IGLL5: variants seen among roughly 807,000 people sequenced by gnomAD.
IGLL5 encodes immunoglobulin lambda like polypeptide 5.
Under a neutral mutation model 20.9 loss-of-function variants are expected in IGLL5, and 30 were observed. The observed-to-expected ratio is 1.44, with a 90% CI of 1.07 to 1.95. IGLL5 has a LOEUF of 1.95. IGLL5 is among the 30% of genes most tolerant of loss of function. The pLI is 0.00. For missense variants in IGLL5, 475 were observed against 270.7 expected, an observed-to-expected ratio of 1.75 and a Z score of -5.30; for synonymous variants, 203 against 117.3, an observed-to-expected ratio of 1.73 and a Z score of -4.72.
chr22:22,889,197 G>A (rs2067695568), intron 1 of IGLL5, among the ~76,000 whole-genome samples: 1 of 151,132 alleles, frequency 6.6e-6, no homozygotes, highest in East Asian at 2.0e-4. Flanking sequence ...GGGTAGGTGG[G>A]GATCCTGGAG....
At chr22:22,893,898 C>A (rs969072770) in intron 2 of IGLL5, 80 bp downstream of exon 2, 6 of 972,576 alleles carry the variant, frequency 6.2e-6, no homozygotes, top group African/African-American at 3.2e-5. Context: ...CTGGGGCTTC[C>A]TCCCCTCTGT....
intron 2 of IGLL5, among the ~76,000 whole-genome samples, chr22:22,895,061 A>G (rs1182310760): frequency 1.3e-5 from 2 of 151,478 alleles, no homozygotes; most frequent in Admixed American, 1.3e-4. Context: ...GCCAGATTCT[A>G]AACTCAGACT....
At chr22:22,894,982 G>A (rs2066713738) in intron 2 of IGLL5, among the ~76,000 whole-genome samples, 1 of 151,476 alleles carries the variant, frequency 6.6e-6, no homozygotes, top group Admixed American at 6.6e-5. Flanking sequence ...GGAGGCTCTA[G>A]GTCCTGGAAG....
At chr22:22,888,754 T>TAC in intron 1 of IGLL5, among the ~76,000 whole-genome samples, 1 of 151,254 alleles carries the variant, frequency 6.6e-6, no homozygotes, top group Non-Finnish European at 1.5e-5. Context: ...TGCACATAAA[T>TAC]GCTTACTGGG....
At chr22:22,895,132 A>T (rs532897479) in intron 2 of IGLL5, among the ~76,000 whole-genome samples, 1 of 151,456 alleles carries the variant, frequency 6.6e-6, no homozygotes, top group African/African-American at 2.4e-5. Flanking sequence ...TTGAGGCTGT[A>T]GAGGAGAGGG....
chr22:22,893,700 G>A lies in IGLL5; in HGVS notation c.207G>A (p.Arg69=). ...SRSSLRSLWG[R]LLLQPSPQRA... Reference sequence around the variant, plus strand: ...ACCCTGTGCCCGTCATGCCCAGCAGGCTCCTGCTCCAGCCCAGCCCCCAGA... The same window carrying A: ...ACCCTGTGCCCGTCATGCCCAGCAGACTCCTGCTCCAGCCCAGCCCCCAGA... Residue 69 remains arginine, a splice_region_variant and synonymous_variant, in exon 2 of 3, where the codon AGG becomes AGA. Coordinates refer to ENST00000526893, the MANE Select transcript of IGLL5 (RefSeq NM_001178126.2). The A allele has an allele frequency of 1.2e-6, 2 of 1,600,630 alleles. No individual in the cohort carries two copies. The highest frequency in any genetic ancestry group is 8.5e-7 in the Non-Finnish European group (1 of 1,172,408).
intron 1 of IGLL5, among the ~76,000 whole-genome samples, chr22:22,889,751 C>G (rs1027496017): frequency 1.3e-5 from 2 of 151,258 alleles, no homozygotes; most frequent in East Asian, 2.0e-4. Context: ...CTACACCTGG[C>G]TAATTTTGAT....
At chr22:22,892,690 T>C (rs774920683) in intron 1 of IGLL5, among the ~76,000 whole-genome samples, 66 of 150,744 alleles carry the variant, frequency 4.4e-4, no homozygotes, top group Non-Finnish European at 7.8e-4. Context: ...GCAGAATATA[T>C]GTGAATCTGG....
chr22:22,889,732 T>A (rs2067748112), intron 1 of IGLL5, among the ~76,000 whole-genome samples: 3 of 151,142 alleles, frequency 2.0e-5, no homozygotes, highest in Admixed American at 6.6e-5. Flanking sequence ...GGACTACAGA[T>A]GCAGGCCACT....
intron 2 of IGLL5, among the ~76,000 whole-genome samples, chr22:22,894,349 C>G (rs561421074): frequency 2.0e-5 from 3 of 151,482 alleles, no homozygotes; most frequent in African/African-American, 4.8e-5. Context: ...ACAGAGAGGG[C>G]TCTGGGTCTA....
chr22:22,894,406 C>T (rs541420582), intron 2 of IGLL5, among the ~76,000 whole-genome samples: 2 of 151,424 alleles, frequency 1.3e-5, no homozygotes, highest in South Asian at 2.1e-4. Flanking sequence ...CATGGGGACA[C>T]AGAGGGACGG....
chr22:22,889,200 T>A (rs2067695939), intron 1 of IGLL5, among the ~76,000 whole-genome samples: 1 of 150,962 alleles, frequency 6.6e-6, no homozygotes, highest in Admixed American at 6.6e-5. Context: ...TAGGTGGGGA[T>A]CCTGGAGGAA....
chr22:22,893,987 G>C (rs151178621), intron 2 of IGLL5, among the ~76,000 whole-genome samples, 169 bp downstream of exon 2: 8 of 150,944 alleles, frequency 5.3e-5, no homozygotes, highest in South Asian at 4.3e-4. Flanking sequence ...GTAACCGGCA[G>C]GAAGGGCCTC....
rs183697997 is a variant in IGLL5 at position 22,888,616 on chromosome 22, C to T, written c.206+357C>T. On this transcript the variant is annotated intron_variant, in intron 1 of 2. Transcript: ENST00000526893. Reference sequence around the variant, plus strand: ...GGTGGCCACTGTCCCCACAGGGTGCCCAGGCCTGTTCCTCCCCCTCCTCCT... The same window carrying T: ...GGTGGCCACTGTCCCCACAGGGTGCTCAGGCCTGTTCCTCCCCCTCCTCCT... Among the ~76,000 whole-genome samples the T allele has an allele frequency of 2.6e-3, 393 of 151,316 alleles. 2 individuals are homozygous for T. Among genetic ancestry groups the T allele is most frequent in the African/African-American group, 8.6e-3 (356 of 41,300 alleles).
At chr22:22,894,617 G>T (rs185686335) in intron 2 of IGLL5, among the ~76,000 whole-genome samples, 1 of 151,152 alleles carries the variant, frequency 6.6e-6, no homozygotes, top group South Asian at 2.1e-4. Flanking sequence ...GTGAATGAGG[G>T]GTGCAGAGAA....
intron 1 of IGLL5, among the ~76,000 whole-genome samples, chr22:22,888,688 G>A (rs2067632305): frequency 1.3e-5 from 2 of 151,354 alleles, no homozygotes; most frequent in Admixed American, 6.6e-5. Context: ...GCCACTCCCT[G>A]GAGAAGGCAG....
intron 1 of IGLL5, among the ~76,000 whole-genome samples, chr22:22,888,714 G>C (rs2067636041): frequency 2.0e-5 from 3 of 151,382 alleles, no homozygotes; most frequent in East Asian, 2.0e-4. Context: ...GCTTGGTTTG[G>C]TCTCCCCCAA....
intron 1 of IGLL5, among the ~76,000 whole-genome samples, 173 bp downstream of exon 1, chr22:22,888,432 A>C (rs570251859): frequency 2.6e-5 from 4 of 151,386 alleles, no homozygotes; most frequent in South Asian, 2.1e-4. Flanking sequence ...GATTTGTTTG[A>C]ATTACTGTTT....
At chr22:22,895,024 A>T (rs1317924284) in intron 2 of IGLL5, among the ~76,000 whole-genome samples, 2 of 151,380 alleles carry the variant, frequency 1.3e-5, no homozygotes, top group African/African-American at 4.8e-5. Flanking sequence ...GGGTATAGGG[A>T]TGGAAATGAG....
Sources: allele counts gnomAD v4.1 joint callset (sites outside exome capture counted in the v4.1 genomes callset), GRCh38; gene constraint gnomAD v4.1.1; transcripts MANE v1.5; gene names NCBI Gene and HGNC (gene_info 2026-07-23, HGNC 2026-07-21).